ATRN: variants seen among roughly 807,000 people sequenced by gnomAD.
ATRN encodes the protein attractin, also known as attractin-2.
In ATRN, 54 loss-of-function variants were observed where a neutral mutation model predicts 178.7. The observed-to-expected ratio is 0.30, with a 90% CI of 0.24 to 0.38. The LOEUF (loss-of-function observed/expected upper bound fraction) is 0.38. Ranked by LOEUF, ATRN falls within the 10% of genes least tolerant of loss-of-function variation. ATRN has a pLI of 1.00. For synonymous variants in ATRN, 636 were observed against 663.0 expected (o/e 0.96, Z 0.63); for missense variants, 1,443 against 1,815.1 (o/e 0.79, Z 3.73).
chr20:3,614,692 TG>T (rs1446687288), intron 24 of ATRN, among the ~76,000 whole-genome samples: 1 of 152,194 alleles, frequency 6.6e-6, no homozygotes, highest in East Asian at 1.9e-4. Flanking sequence ...CACAATTCAG[TG>T]GTTTTCAGTG....
At chr20:3,629,480 C>A (rs1737116841) in intron 25 of ATRN, among the ~76,000 whole-genome samples, 1 of 151,918 alleles carries the variant, frequency 6.6e-6, no homozygotes, top group Non-Finnish European at 1.5e-5. Context: ...TCATACCTTG[C>A]TTGATTTTTC....
chr20:3,600,976 G>A lies in ATRN; in HGVS notation c.3595G>A (p.Ala1199Thr). ...CAGGGATTTGGACATGTTCATCAAT[G>A]CCTCCAAGAATTTCAACCTCAACAT... ...QNRDLDMFINASKNFNLNITW... is the reference protein window; with the variant it reads ...QNRDLDMFINTSKNFNLNITW... The change falls in exon 23 of 29, where the codon GCC becomes ACC. Residue 1199 changes from alanine (A) to threonine (T), a missense_variant. Coordinates refer to ENST00000262919, the MANE Select transcript of ATRN (RefSeq NM_139321.3). The A allele has an allele frequency of 6.2e-7, 1 of 1,613,864 alleles. No homozygotes were observed. Among genetic ancestry groups the A allele is most frequent in the Non-Finnish European group, 8.5e-7 (1 of 1,179,856 alleles).
intron 27 of ATRN, among the ~76,000 whole-genome samples, chr20:3,640,067 A>C (rs953051986): frequency 1.3e-5 from 2 of 152,246 alleles, no homozygotes; most frequent in Non-Finnish European, 2.9e-5. Flanking sequence ...AAATGTTAGA[A>C]TTGAAATCTA....
chr20:3,519,006 T>TATAAAAAAAAAAAAAAA lies in ATRN; in HGVS notation c.411-16246_411-16245insTAAAAAAAAAAAAAAAA, dbSNP rs770584938. Reference sequence around the variant, plus strand: ...GTGCTTCAATAAACATCCTTATATATAAAAAAAAAAAAAAGAAAGAAAACT... The same window carrying TATAAAAAAAAAAAAAAA: ...GTGCTTCAATAAACATCCTTATATATATAAAAAAAAAAAAAAAAAAAAAAAAAAAAAGAAAGAAAACT... On this transcript the variant is annotated intron_variant, in intron 1 of 28. Coordinates refer to ENST00000262919, the MANE Select transcript of ATRN (RefSeq NM_139321.3). Among the ~76,000 whole-genome samples the TATAAAAAAAAAAAAAAA allele has an allele frequency of 4.2e-4, 50 of 119,384 alleles. 1 individual carries two copies. The highest frequency in any genetic ancestry group is 5.0e-4 in the African/African-American group (15 of 29,754). The allele number at this position is 119,384 out of a possible 152,430, so 78.3% of individuals were successfully genotyped here.
intron 2 of ATRN, 23 bp downstream of exon 2, chr20:3,535,359 A>G: frequency 1.4e-6 from 2 of 1,418,914 alleles, no homozygotes; most frequent in Non-Finnish European, 1.9e-6. Flanking sequence ...GGCTGACTTA[A>G]TTTTTGTTTT....
rs2146153777 is a variant in ATRN at position 3,523,789 on chromosome 20, A to G, written c.411-11464A>G. Among the ~76,000 whole-genome samples, 3 of 152,322 alleles carry G rather than the reference A, an allele frequency of 2.0e-5. No individual in the cohort carries two copies. The East Asian group carries it at 5.8e-4, about 29-fold the overall frequency. ...AACATTCTTAAAGAAAAGAATTTTC[A>G]ACCCAGAATTTCATATCCAGCCAAA... On this transcript the variant is annotated intron_variant, in intron 1 of 28. Transcript: ENST00000262919.
At chr20:3,566,410 G>A (rs77078449) in intron 11 of ATRN, among the ~76,000 whole-genome samples, 2,447 of 152,262 alleles carry the variant, frequency 0.016, 66 homozygotes, top group African/African-American at 0.054. Context: ...AAGTTAAACA[G>A]CCTAATCACA....
At chr20:3,501,521 A>G (rs780928454) in intron 1 of ATRN, among the ~76,000 whole-genome samples, 3 of 152,172 alleles carry the variant, frequency 2.0e-5, no homozygotes, top group Admixed American at 6.6e-5. Flanking sequence ...GCTACTAGGG[A>G]GATTTTCATT....
At chr20:3,587,700 G>C (rs890058559) in intron 18 of ATRN, among the ~76,000 whole-genome samples, 1 of 152,296 alleles carries the variant, frequency 6.6e-6, no homozygotes, top group South Asian at 2.1e-4. Context: ...GACTGTTACA[G>C]CTATTCTGGG....
chr20:3,541,438 G>C (rs187673988), intron 3 of ATRN, among the ~76,000 whole-genome samples: 25 of 151,050 alleles, frequency 1.7e-4, no homozygotes, highest in Middle Eastern at 3.4e-3. Context: ...TGAGAAATGT[G>C]TTATTAGATG....
At chr20:3,506,282 T>G (rs1328632011) in intron 1 of ATRN, among the ~76,000 whole-genome samples, 1 of 152,088 alleles carries the variant, frequency 6.6e-6, no homozygotes, top group East Asian at 1.9e-4. Flanking sequence ...TCAATTAAAA[T>G]TTCAGTTATT....
chr20:3,554,838 C>G (rs1439943522), intron 6 of ATRN, among the ~76,000 whole-genome samples: 1 of 151,796 alleles, frequency 6.6e-6, no homozygotes. Context: ...ACTTCATTAC[C>G]AAATTTCCTT....
intron 1 of ATRN, among the ~76,000 whole-genome samples, chr20:3,486,077 A>G (rs1221151646): frequency 6.6e-6 from 1 of 152,078 alleles, no homozygotes; most frequent in Non-Finnish European, 1.5e-5. Flanking sequence ...GTTTTTTTCC[A>G]ATGTCTTCTG....
At chr20:3,611,391 TA>T (rs58701893) in intron 24 of ATRN, among the ~76,000 whole-genome samples, 6,873 of 152,226 alleles carry the variant, frequency 0.045, 471 homozygotes, top group African/African-American at 0.15. Context: ...AATAGACATT[TA>T]ACCAAAGAGG....
At chr20:3,605,246 C>G (rs1367915214) in intron 24 of ATRN, among the ~76,000 whole-genome samples, 1 of 152,088 alleles carries the variant, frequency 6.6e-6, no homozygotes. Flanking sequence ...ATTAAAAAGT[C>G]AAAAAAGAAC....
In ATRN at chr20:3,490,892, G is replaced by A. The variant is rs958995695; in HGVS notation, c.410+19375G>A. 3.0e-6 allele frequency: 3 copies of A among 1,015,326 alleles called. No homozygotes were observed. In the African/African-American group the frequency reaches 4.7e-5, roughly 16 times the overall value. The allele number at this position is 1,015,326 out of a possible 1,614,324, so 62.9% of individuals were successfully genotyped here. A position where few individuals can be genotyped will look rare whatever the true frequency, so the allele number is the denominator to read the frequency against. On this transcript the variant is annotated intron_variant, in intron 1 of 28. Coordinates refer to ENST00000262919, the MANE Select transcript of ATRN (RefSeq NM_139321.3). ...TATACCTATCTTGCATGGCCTGAGTGCGGTGATCAGAATTGAGCGTGGACT... is the reference window on the plus strand; with the variant it reads ...TATACCTATCTTGCATGGCCTGAGTACGGTGATCAGAATTGAGCGTGGACT...
At chr20:3,597,131 TTAGA>T (rs1156803059) in intron 21 of ATRN, among the ~76,000 whole-genome samples, 8 of 148,238 alleles carry the variant, frequency 5.4e-5, no homozygotes, top group African/African-American at 7.5e-5. Flanking sequence ...GGAAAAGTTG[TTAGA>T]TAGGATTCTA....
At chr20:3,509,628 C>G (rs958602261) in intron 1 of ATRN, among the ~76,000 whole-genome samples, 1 of 151,852 alleles carries the variant, frequency 6.6e-6, no homozygotes, top group African/African-American at 2.4e-5. Context: ...CTCAGCCTCC[C>G]GAGTAGCTGG....
At chr20:3,556,445 A>G (rs970256583) in intron 6 of ATRN, among the ~76,000 whole-genome samples, 7 of 152,210 alleles carry the variant, frequency 4.6e-5, no homozygotes, top group Non-Finnish European at 1.0e-4. Flanking sequence ...TAGTCTCCAC[A>G]GAGCCTTTGC....
Sources: gnomAD v4.1 joint callset for allele counts (sites outside exome capture counted in the v4.1 genomes callset) on GRCh38, gnomAD v4.1.1 for gene constraint, MANE v1.5 for transcripts, NCBI Gene and HGNC (gene_info 2026-07-23, HGNC 2026-07-21) for gene names.